Variants in CFDP1 observed in about 807,000 individuals in gnomAD.
CFDP1 encodes chromatin remodeling protein CFDP1, also known as heterochromatin-stabilizing protein CFDP1.
A neutral mutation model predicts 40.1 loss-of-function variants in CFDP1; 31 were observed. The observed-to-expected ratio is 0.77, with a 90% CI of 0.58 to 1.04. The LOEUF is 1.04. CFDP1 is among the 50% of genes least tolerant of loss of function. The pLI is 0.00. For synonymous variants in CFDP1, 167 were observed against 120.0 expected, an observed-to-expected ratio of 1.39 and a Z score of -2.56; for missense variants, 423 against 343.4, an observed-to-expected ratio of 1.23 and a Z score of -1.83.
At chr16:75,299,227 C>G (rs985364138) in intron 6 of CFDP1, among the ~76,000 whole-genome samples, 3 of 152,184 alleles carry the variant, frequency 2.0e-5, no homozygotes, top group Non-Finnish European at 2.9e-5. Flanking sequence ...ACTCTGCTGA[C>G]TGAAATGACT....
intron 5 of CFDP1, among the ~76,000 whole-genome samples, chr16:75,317,718 C>T (rs1342100123): frequency 2.0e-5 from 3 of 152,152 alleles, no homozygotes; most frequent in African/African-American, 7.2e-5. Context: ...CAGAGGAAGA[C>T]ACAGCTTATT....
intron 5 of CFDP1, chr16:75,325,045 T>A (rs567194869): frequency 1.3e-5 from 2 of 152,220 alleles, no homozygotes; most frequent in Non-Finnish European, 2.9e-5. Context: ...GTCCTTGGAC[T>A]TTTCTCCATC....
chr16:75,390,551 G>C (rs1597376024), intron 5 of CFDP1, among the ~76,000 whole-genome samples: 1 of 152,198 alleles, frequency 6.6e-6, no homozygotes, highest in Non-Finnish European at 1.5e-5. Context: ...ATTCGGAGTT[G>C]AGCACTCTCT....
intron 5 of CFDP1, among the ~76,000 whole-genome samples, chr16:75,393,919 C>T (rs10438605): frequency 0.17 from 25,884 of 149,842 alleles, 2,357 homozygotes; most frequent in Middle Eastern, 0.23. Flanking sequence ...ATTAGACGGG[C>T]GTGTTGGCAC....
At chr16:75,367,336 T>C (rs1013232820) in intron 5 of CFDP1, among the ~76,000 whole-genome samples, 3 of 151,120 alleles carry the variant, frequency 2.0e-5, no homozygotes, top group Admixed American at 1.3e-4. Context: ...GTTTAATACC[T>C]AGGTGGTGGA....
intron 5 of CFDP1, among the ~76,000 whole-genome samples, chr16:75,310,584 G>A (rs755542350): frequency 3.9e-5 from 6 of 152,158 alleles, no homozygotes; most frequent in Non-Finnish European, 7.3e-5. Context: ...TCATCCTGTT[G>A]AGTCTGTCAC....
intron 5 of CFDP1, among the ~76,000 whole-genome samples, chr16:75,320,101 G>A (rs1176567566): frequency 1.3e-5 from 2 of 152,186 alleles, no homozygotes; most frequent in African/African-American, 4.8e-5. Context: ...AAGAGAAAAC[G>A]GTAAGTAGAG....
At chr16:75,423,553 C>A (rs1375767581) in intron 1 of CFDP1, among the ~76,000 whole-genome samples, 1 of 151,924 alleles carries the variant, frequency 6.6e-6, no homozygotes. Flanking sequence ...CTCACTCTGT[C>A]GCCCAGGCTG....
chr16:75,422,239 G>T (rs1185997706), intron 1 of CFDP1, among the ~76,000 whole-genome samples: 3 of 151,982 alleles, frequency 2.0e-5, no homozygotes, highest in Admixed American at 2.0e-4. Context: ...TGGGATTACA[G>T]GCGCTTGCCA....
chr16:75,382,125 A>G lies in CFDP1; in HGVS notation c.650+12965T>C, dbSNP rs572948727. On this transcript the variant is annotated intron_variant, in intron 5 of 6. Coordinates refer to ENST00000283882, the MANE Select transcript of CFDP1 (RefSeq NM_006324.3). ...AGTGAAACCCCTGTCTCAAAAAAGA[A>G]AAAAAAAAAAAAAGCTCAGAGGCAT... Among the ~76,000 whole-genome samples the G allele has an allele frequency of 9.1e-5, 13 of 142,776 alleles. No homozygotes were observed. The East Asian group carries it at 2.6e-3, about 28-fold the overall frequency. The allele number at this position is 142,776 out of a possible 152,430, so 93.7% of individuals were successfully genotyped here. A position where few individuals can be genotyped will look rare whatever the true frequency, so the allele number is the denominator to read the frequency against.
rs576930941 is a variant in CFDP1, at chr16:75,293,738, A to T, written c.*214T>A. 87 of 542,074 alleles carry T rather than the reference A, an allele frequency of 1.6e-4. No homozygotes were observed. Among genetic ancestry groups the T allele is most frequent in the African/African-American group, 1.5e-3 (78 of 52,520 alleles). The allele number at this position is 542,074 out of a possible 1,614,324, so 33.6% of individuals were successfully genotyped here. A position where few individuals can be genotyped will look rare whatever the true frequency, so the allele number is the denominator to read the frequency against. ...TCTTCATTATCCTCTCACAGGACCA[A>T]CTTTTATTTTATTTATTCATTTAAG... On this transcript the variant is annotated 3_prime_UTR_variant, in exon 7 of 7. Transcript: ENST00000283882.
At chr16:75,309,692 C>CAT in intron 5 of CFDP1, among the ~76,000 whole-genome samples, 1 of 151,854 alleles carries the variant, frequency 6.6e-6, no homozygotes, top group Non-Finnish European at 1.5e-5. Context: ...TGGTGGCAGG[C>CAT]GCCTGTAGTC....
chr16:75,339,587 C>A (rs58241006), intron 5 of CFDP1, among the ~76,000 whole-genome samples: 8,279 of 152,188 alleles, frequency 0.054, 700 homozygotes, highest in African/African-American at 0.19. Context: ...CCATCGGTTA[C>A]AGGGGAAGGG....
chr16:75,294,262 G>A (rs1370794555), intron 6 of CFDP1, among the ~76,000 whole-genome samples: 1 of 152,152 alleles, frequency 6.6e-6, no homozygotes, highest in African/African-American at 2.4e-5. Flanking sequence ...GTATATTAGA[G>A]GCTGGGTGGC....
At chr16:75,334,361 C>T (rs10871309) in intron 5 of CFDP1, among the ~76,000 whole-genome samples, 45,977 of 150,752 alleles carry the variant, frequency 0.3, 8,207 homozygotes, top group East Asian at 0.54. Flanking sequence ...GAGGATAAAA[C>T]TGTACGGCAG....
intron 5 of CFDP1, among the ~76,000 whole-genome samples, chr16:75,388,460 C>T (rs1294089482): frequency 6.6e-6 from 1 of 152,112 alleles, no homozygotes; most frequent in Non-Finnish European, 1.5e-5. Flanking sequence ...AAAGCAGTTG[C>T]CTACAGGAAC....
chr16:75,353,536 C>G (rs2078626710), intron 5 of CFDP1, among the ~76,000 whole-genome samples: 1 of 151,812 alleles, frequency 6.6e-6, no homozygotes, highest in Admixed American at 6.6e-5. Flanking sequence ...CCGAGGCGGG[C>G]AGATCACAAG....
intron 6 of CFDP1, among the ~76,000 whole-genome samples, chr16:75,301,576 C>A (rs3743606): frequency 0.85 from 103,847 of 122,680 alleles, 44,114 homozygotes; most frequent in Middle Eastern, 0.9. Flanking sequence ...GTAAAGAGAC[C>A]GGGTCTTTCT....
At chr16:75,351,110 T>C (rs904447939) in intron 5 of CFDP1, among the ~76,000 whole-genome samples, 2 of 152,234 alleles carry the variant, frequency 1.3e-5, no homozygotes, top group African/African-American at 4.8e-5. Flanking sequence ...TGGATATTTA[T>C]ATGACATCTC....
Sources: allele counts gnomAD v4.1 joint callset (sites outside exome capture counted in the v4.1 genomes callset), GRCh38; gene constraint gnomAD v4.1.1; transcripts MANE v1.5; gene names NCBI Gene and HGNC (gene_info 2026-07-23, HGNC 2026-07-21).